The following PDE1C variants were observed in gnomAD, a reference collection of about 807,000 sequenced individuals.
PDE1C encodes the protein phosphodiesterase 1C, also known as dual specificity calcium/calmodulin-dependent 3',5'-cyclic nucleotide phosphodiesterase 1C.
PDE1C carries 62 observed loss-of-function variants against 93.1 expected under a neutral mutation model. The observed-to-expected ratio is 0.67, with a 90% CI of 0.54 to 0.82. PDE1C has a LOEUF of 0.82. Among genes scored for constraint, PDE1C ranks in the 40% least tolerant of loss-of-function variants. The pLI, the probability that PDE1C is intolerant of heterozygous loss-of-function variation, is 0.00. For missense variants in PDE1C, 742 were observed against 884.6 expected (o/e 0.84, Z 2.04); for synonymous variants, 325 against 310.1 (o/e 1.05, Z -0.50).
At chr7:31,689,785 C>A in the PDE1C span, among the ~76,000 whole-genome samples, 15 of 152,302 alleles carry the variant, frequency 9.8e-5, no homozygotes, top group South Asian at 3.1e-3. Context: ...GTAATGACAT[C>A]ATTCATGATA....
intron 1 of PDE1C, among the ~76,000 whole-genome samples, chr7:32,053,653 C>T (rs1793676905): frequency 6.6e-6 from 1 of 152,154 alleles, no homozygotes; most frequent in African/African-American, 2.4e-5. Context: ...AGAAGACAGC[C>T]CTTGCTATTG....
chr7:32,234,769 T>C (rs911390910), intron 1 of PDE1C, among the ~76,000 whole-genome samples: 5 of 152,032 alleles, frequency 3.3e-5, no homozygotes, highest in Non-Finnish European at 7.4e-5. Flanking sequence ...ACTCATTTTA[T>C]AGGTCATCAT....
chr7:32,185,140 C>T (rs918661585), intron 2 of PDE1C, among the ~76,000 whole-genome samples: 9 of 140,378 alleles, frequency 6.4e-5, no homozygotes, highest in African/African-American at 2.1e-4. Flanking sequence ...AAAAAAACAA[C>T]TTCTTAATGC....
At chr7:31,804,808 G>A (rs759808051) in intron 16 of PDE1C, among the ~76,000 whole-genome samples, 1 of 151,770 alleles carries the variant, frequency 6.6e-6, no homozygotes, top group Non-Finnish European at 1.5e-5. Flanking sequence ...TCTGATAAAC[G>A]AGGTGGCTAT....
intron 1 of PDE1C, among the ~76,000 whole-genome samples, chr7:32,282,583 CT>C (rs367633822): frequency 4.0e-5 from 5 of 123,684 alleles, no homozygotes; most frequent in Admixed American, 8.9e-5. Flanking sequence ...TTTATGTCTT[CT>C]TTTTTTTTTT....
chr7:31,764,286 A>G (rs938658884), intron 17 of PDE1C, among the ~76,000 whole-genome samples: 35 of 152,174 alleles, frequency 2.3e-4, no homozygotes, highest in African/African-American at 8.2e-4. Context: ...CCGGGATTAC[A>G]GGTATGCAAC....
chr7:31,627,635 G>C, the PDE1C span, among the ~76,000 whole-genome samples: 5 of 111,540 alleles, frequency 4.5e-5, no homozygotes, highest in Admixed American at 6.8e-4. Flanking sequence ...AATCCAGCCT[G>C]AGCAACAGAG....
intron 1 of PDE1C, among the ~76,000 whole-genome samples, chr7:32,255,132 G>A (rs1438632916): frequency 1.3e-5 from 2 of 152,216 alleles, no homozygotes; most frequent in Non-Finnish European, 2.9e-5. Context: ...CCAGAGGCTA[G>A]TAAGGGCCCA....
intron 1 of PDE1C, among the ~76,000 whole-genome samples, chr7:32,310,160 T>C (rs566860068): frequency 2.7e-4 from 41 of 151,982 alleles, no homozygotes; most frequent in Admixed American, 2.4e-3. Flanking sequence ...AAGAAGGCCA[T>C]TACATAATGG....
chr7:32,184,382 A>G (rs1239928283), intron 2 of PDE1C, among the ~76,000 whole-genome samples: 2 of 152,348 alleles, frequency 1.3e-5, no homozygotes, highest in Middle Eastern at 3.4e-3. Flanking sequence ...TCACAATAGC[A>G]AAGACTTGGA....
At chr7:32,336,602 GAAAA>G (rs1034703689) in intron 1 of PDE1C, among the ~76,000 whole-genome samples, 1 of 151,938 alleles carries the variant, frequency 6.6e-6, no homozygotes, top group African/African-American at 2.4e-5. Flanking sequence ...CTCTGTGAAG[GAAAA>G]AAACAAAGCT....
At chr7:31,745,561 G>A in the PDE1C span, among the ~76,000 whole-genome samples, 1 of 152,192 alleles carries the variant, frequency 6.6e-6, no homozygotes, top group Non-Finnish European at 1.5e-5. Context: ...CTTTTACTTG[G>A]AGAGATCAGG....
chr7:32,125,202 A>G (rs180731895), intron 3 of PDE1C, among the ~76,000 whole-genome samples: 13 of 152,354 alleles, frequency 8.5e-5, no homozygotes, highest in Admixed American at 2.6e-4. Context: ...GGCAATTATT[A>G]AAAAGTCAAG....
At chr7:32,382,779 T>C (rs879318320) in intron 1 of PDE1C, among the ~76,000 whole-genome samples, 5 of 152,176 alleles carry the variant, frequency 3.3e-5, no homozygotes, top group Non-Finnish European at 7.3e-5. Context: ...TTTGAAAAAT[T>C]TAGAAACGTT....
intron 16 of PDE1C, among the ~76,000 whole-genome samples, chr7:31,802,487 T>A (rs1786189918): frequency 6.6e-6 from 1 of 151,720 alleles, no homozygotes; most frequent in African/African-American, 2.4e-5. Flanking sequence ...TCGTATATAT[T>A]TACCTATGTA....
intron 1 of PDE1C, among the ~76,000 whole-genome samples, chr7:32,285,449 C>T (rs1027281086): frequency 3.3e-5 from 5 of 152,082 alleles, no homozygotes; most frequent in Admixed American, 2.0e-4. Context: ...TGGAAACAAC[C>T]TGTGTCCAAC....
intron 3 of PDE1C, among the ~76,000 whole-genome samples, chr7:32,164,146 A>G (rs992443595): frequency 6.6e-6 from 1 of 152,228 alleles, no homozygotes; most frequent in Admixed American, 6.5e-5. Flanking sequence ...TTAGAAATGC[A>G]GATTCACAGG....
intron 2 of PDE1C, among the ~76,000 whole-genome samples, chr7:31,914,130 C>A (rs1293059682): frequency 6.6e-6 from 1 of 152,200 alleles, no homozygotes; most frequent in African/African-American, 2.4e-5. Flanking sequence ...CAACTCCAAT[C>A]TGAATTACAG....
At chr7:31,806,554 A>G (rs2128704167) in intron 16 of PDE1C, among the ~76,000 whole-genome samples, 1 of 152,096 alleles carries the variant, frequency 6.6e-6, no homozygotes, top group South Asian at 2.1e-4. Context: ...ATAGTACTGC[A>G]GTAGACTTAC....
Sources: allele counts gnomAD v4.1 joint callset (sites outside exome capture counted in the v4.1 genomes callset), GRCh38; gene constraint gnomAD v4.1.1; transcripts MANE v1.5; gene names NCBI Gene and HGNC (gene_info 2026-07-23, HGNC 2026-07-21).